The following WDR25 variants were observed in gnomAD, a reference collection of about 807,000 sequenced individuals.
WDR25 encodes WD repeat-containing protein 25.
In WDR25, 35 loss-of-function variants were observed where a neutral mutation model predicts 47.7. The observed-to-expected ratio is 0.73, with a 90% CI of 0.56 to 0.97. The LOEUF (loss-of-function observed/expected upper bound fraction) is 0.97, where lower values mean the gene tolerates loss of function less well. Among genes scored for constraint, WDR25 ranks in the 50% least tolerant of loss-of-function variants. The pLI is 0.00. For synonymous variants in WDR25, 248 were observed against 278.9 expected, an observed-to-expected ratio of 0.89 and a Z score of 1.10; for missense variants, 634 against 704.7, an observed-to-expected ratio of 0.90 and a Z score of 1.14.
intron 2 of WDR25, among the ~76,000 whole-genome samples, chr14:100,466,318 C>T (rs1010091099): frequency 6.6e-6 from 1 of 152,140 alleles, no homozygotes; most frequent in African/African-American, 2.4e-5. Flanking sequence ...TTTACATAAT[C>T]CCAGGAAACA....
chr14:100,520,060 A>ATG (rs755623468), intron 4 of WDR25, among the ~76,000 whole-genome samples: 10,161 of 134,228 alleles, frequency 0.076, 1,066 homozygotes, highest in African/African-American at 0.25. Flanking sequence ...ATATGTACAT[A>ATG]TGTGTGTGTG....
At chr14:100,408,072 G>A (rs1897595632) in intron 2 of WDR25, among the ~76,000 whole-genome samples, 1 of 152,138 alleles carries the variant, frequency 6.6e-6, no homozygotes, top group Admixed American at 6.5e-5. Context: ...GCCTATAGTC[G>A]TGGGGGCTTG....
rs921455175 is a variant in WDR25 at position 100,407,927 on chromosome 14, A to G, written c.822+26181A>G. ...GCTGTGGGAATGACCCTTGACTCCTATCCTGATGGGAGTGGGAGAGGGTGC... is the reference window on the plus strand; with the variant it reads ...GCTGTGGGAATGACCCTTGACTCCTGTCCTGATGGGAGTGGGAGAGGGTGC... On this transcript the variant is annotated intron_variant, in intron 2 of 6. Transcript: ENST00000402312. The surrounding 1 kb of genome is among the most constrained non-coding windows in gnomAD (Gnocchi z 4.1). 1.3e-5 allele frequency among the ~76,000 whole-genome samples: 2 copies of G among 152,126 alleles called. No individual in the cohort carries two copies. The highest frequency in any genetic ancestry group is 4.8e-5 in the African/African-American group (2 of 41,424).
At chr14:100,413,642 T>G (rs932661228) in intron 2 of WDR25, among the ~76,000 whole-genome samples, 2 of 152,124 alleles carry the variant, frequency 1.3e-5, no homozygotes, top group Non-Finnish European at 2.9e-5. Flanking sequence ...CTCGATCTCC[T>G]GACCTCGTGA....
chr14:100,529,074 T>G lies in WDR25; in HGVS notation c.1279T>G (p.Phe427Val), dbSNP rs1472074035. The G allele has an allele frequency of 2.6e-6, 4 of 1,543,028 alleles. No individual in the cohort carries two copies. The highest frequency in any genetic ancestry group is 3.7e-5 in the Admixed American group (2 of 54,558). Reference sequence around the variant, plus strand: ...GTGGCTCTGCTGTTCTCAGGAGAGGTTCACCTGCCCCAGCCTCGCCTTGCA... The same window carrying G: ...GTGGCTCTGCTGTTCTCAGGAGAGGGTCACCTGCCCCAGCCTCGCCTTGCA... ...KISNQIFHER[F>V]TCPSLALHPR... is the part of the protein sequence containing the mutation. Residue 427 changes from phenylalanine to valine, a missense_variant, in exon 6 of 7, where the codon TTC becomes GTC. Transcript: ENST00000402312. The surrounding 1 kb of genome is among the most constrained non-coding windows in gnomAD (Gnocchi z 5.1).
At position 100,500,098 on chromosome 14, in the gene WDR25, C is replaced by T. The variant is rs1900865894; in HGVS notation, c.1101+15974C>T. ...TCTTCCTAGAGGTGCCACAACCCTC[C>T]TCCCCTACTTCTCTCTTACCTGCTG... On this transcript the variant is annotated intron_variant, in intron 4 of 6. Transcript: ENST00000402312. This position sits in a 1 kb window ranked among gnomAD's most constrained non-coding sequence, Gnocchi z 4.7. Among the ~76,000 whole-genome samples, 1 of 152,140 alleles carries T rather than the reference C, an allele frequency of 6.6e-6. No individual in the cohort carries two copies. The highest frequency in any genetic ancestry group is 1.5e-5 in the Non-Finnish European group (1 of 68,004).
At chr14:100,519,103 G>GTGAA (rs1051520575) in intron 4 of WDR25, among the ~76,000 whole-genome samples, 4 of 152,104 alleles carry the variant, frequency 2.6e-5, no homozygotes, top group African/African-American at 9.7e-5. Flanking sequence ...AAACACAAAA[G>GTGAA]TGAATACCAA....
chr14:100,527,312 T>TCCCCAC (rs960284265), intron 5 of WDR25, among the ~76,000 whole-genome samples: 24 of 151,524 alleles, frequency 1.6e-4, no homozygotes, highest in Admixed American at 3.9e-4. Context: ...ATTGTTATCA[T>TCCCCAC]CACCACCACC....
rs1161104931 is a variant in WDR25 at position 100,523,112 on chromosome 14, C to CCCTGGATT, written c.1102-2757_1102-2750dup. Among the ~76,000 whole-genome samples, 1 of 152,204 alleles carries CCCTGGATT rather than the reference C, an allele frequency of 6.6e-6. No individual in the cohort carries two copies. Among genetic ancestry groups the CCCTGGATT allele is most frequent in the African/African-American group, 2.4e-5 (1 of 41,448 alleles). On this transcript the variant is annotated intron_variant, in intron 4 of 6. Coordinates refer to ENST00000402312, the MANE Select transcript of WDR25 (RefSeq NM_001161476.3). The surrounding 1 kb of genome is among the most constrained non-coding windows in gnomAD (Gnocchi z 4.7). ...CAGGATGTTGCTGGGAGCCGGAGGACCCTGGATTGCTACTTTTAAAGTAGT... is the reference window on the plus strand; with the variant it reads ...CAGGATGTTGCTGGGAGCCGGAGGACCCTGGATTCCTGGATTGCTACTTTTAAAGTAGT...
intron 2 of WDR25, among the ~76,000 whole-genome samples, chr14:100,444,618 G>T (rs939490932): frequency 1.4e-4 from 21 of 152,328 alleles, no homozygotes; most frequent in Middle Eastern, 3.4e-3. Context: ...CCCCTCCGTG[G>T]CCTGCAGAAG....
At position 100,525,132 on chromosome 14, in the gene WDR25, T is replaced by C. The variant is rs2030055118; in HGVS notation, c.1102-738T>C. ...GGTGCCCAGCATGTTATTTCCATAT[T>C]GTCATTAAAGTCCTGTCCTCTGTGA... On this transcript the variant is annotated intron_variant, in intron 4 of 6. Coordinates refer to ENST00000402312, the MANE Select transcript of WDR25 (RefSeq NM_001161476.3). The surrounding 1 kb of genome is among the most constrained non-coding windows in gnomAD (Gnocchi z 4.6). 6.6e-6 allele frequency among the ~76,000 whole-genome samples: 1 copy of C among 152,162 alleles called. No individual in the cohort carries two copies.
chr14:100,526,310 G>A (rs1012724135), intron 5 of WDR25, among the ~76,000 whole-genome samples: 1 of 152,142 alleles, frequency 6.6e-6, no homozygotes, highest in Non-Finnish European at 1.5e-5. Context: ...CAGATCAATG[G>A]GGAACGTGGC....
rs111428141 is a variant in WDR25 at position 100,448,193 on chromosome 14, CAAA to C, written c.823-19811_823-19809del. On this transcript the variant is annotated intron_variant, in intron 2 of 6. Coordinates refer to ENST00000402312, the MANE Select transcript of WDR25 (RefSeq NM_001161476.3). ...CTGGAAAACGAGCAAAACTCCGTCTCAAAAAAAAAAAAAAAAAAAGAAGATTTT... is the reference window on the plus strand; with the variant it reads ...CTGGAAAACGAGCAAAACTCCGTCTCAAAAAAAAAAAAAAAAGAAGATTTT... Among the ~76,000 whole-genome samples the C allele has an allele frequency of 6.2e-3, 687 of 110,230 alleles. 7 individuals carry two copies. The highest frequency in any genetic ancestry group is 0.022 in the African/African-American group (619 of 27,956). 72.3% of individuals were successfully genotyped at this position (110,230 alleles called of 152,430 possible). A position where few individuals can be genotyped will look rare whatever the true frequency, so the allele number is the denominator to read the frequency against.
At chr14:100,522,049 A>T (rs574417086) in intron 4 of WDR25, among the ~76,000 whole-genome samples, 2 of 151,974 alleles carry the variant, frequency 1.3e-5, no homozygotes, top group Admixed American at 1.3e-4. Flanking sequence ...TTTTTTTCTG[A>T]GCTCTGTTTC....
rs1465705997 is a variant in WDR25 at position 100,525,968 on chromosome 14, G to C, written c.1200G>C (p.Arg400=). The change falls in exon 5 of 7, where the codon CGG becomes CGC. Residue 400 remains arginine, a synonymous_variant. Coordinates refer to ENST00000402312, the MANE Select transcript of WDR25 (RefSeq NM_001161476.3). The surrounding 1 kb of genome is among the most constrained non-coding windows in gnomAD (Gnocchi z 4.6). ...TGAGCAGCACAGACGCTTCCACCCG[G>C]GACTCAGCTGACCGCACCATTATTG... ...EFLSSTDAST[R]DSADRTIIAW... is the part of the protein sequence containing the mutation. The C allele has an allele frequency of 2.5e-6, 4 of 1,613,868 alleles. No homozygotes were observed. The highest frequency in any genetic ancestry group is 1.7e-5 in the Admixed American group (1 of 59,992).
In WDR25 at chr14:100,461,093, A is replaced by G. The variant is rs1899396910; in HGVS notation, c.823-6928A>G. Among the ~76,000 whole-genome samples, 3 of 152,286 alleles carry G rather than the reference A, an allele frequency of 2.0e-5. No homozygotes were observed. The South Asian group carries it at 6.2e-4, about 32-fold the overall frequency. The stretch of plus-strand genomic sequence containing the variant: ...ATTTAGAAGGGTGATGTGTGCCTGC[A>G]GTCCCAGCTCCTCGGAAGGCTGAGG... On this transcript the variant is annotated intron_variant, in intron 2 of 6. Transcript: ENST00000402312.
rs1483919216 is a variant in WDR25, at chr14:100,502,154, A to AT, written c.1101+18031dup. 1.3e-5 allele frequency among the ~76,000 whole-genome samples: 2 copies of AT among 152,208 alleles called. No homozygotes were observed. The highest frequency in any genetic ancestry group is 2.9e-5 in the Non-Finnish European group (2 of 68,012). ...TGCTTCTGTTGGAAGTGCCTCAGGC[A>AT]TGGCCCCTTGATAGTTGTGGGAGGT... On this transcript the variant is annotated intron_variant, in intron 4 of 6. Coordinates refer to ENST00000402312, the MANE Select transcript of WDR25 (RefSeq NM_001161476.3). This position sits in a 1 kb window ranked among gnomAD's most constrained non-coding sequence, Gnocchi z 4.5.
chr14:100,443,162 C>G (rs1266129762), intron 2 of WDR25, among the ~76,000 whole-genome samples: 1 of 152,246 alleles, frequency 6.6e-6, no homozygotes, highest in Non-Finnish European at 1.5e-5. Flanking sequence ...TTGAATATTG[C>G]TCTTCTGACT....
In WDR25 at chr14:100,502,686, A is replaced by G. The variant is rs915787487; in HGVS notation, c.1101+18562A>G. 6.6e-5 allele frequency among the ~76,000 whole-genome samples: 10 copies of G among 152,248 alleles called. No homozygotes were observed. Among genetic ancestry groups the G allele is most frequent in the Non-Finnish European group, 1.0e-4 (7 of 68,040 alleles). On this transcript the variant is annotated intron_variant, in intron 4 of 6. Coordinates refer to ENST00000402312, the MANE Select transcript of WDR25 (RefSeq NM_001161476.3). This position sits in a 1 kb window ranked among gnomAD's most constrained non-coding sequence, Gnocchi z 4.5. Reference sequence around the variant, plus strand: ...TCCCTGCATGGCGAGGGGAGGAGTCAGTCTCCACAGAGTACATCGTGATGG... The same window carrying G: ...TCCCTGCATGGCGAGGGGAGGAGTCGGTCTCCACAGAGTACATCGTGATGG...
Sources: gnomAD v4.1 joint callset for allele counts (sites outside exome capture counted in the v4.1 genomes callset) on GRCh38, gnomAD v4.1.1 for gene constraint, Gnocchi (gnomAD v3.1) non-coding constraint, MANE v1.5 for transcripts, NCBI Gene and HGNC (gene_info 2026-07-23, HGNC 2026-07-21) for gene names.